The following TRIM37 variants were observed in gnomAD, a reference collection of about 807,000 sequenced individuals.
The protein encoded by TRIM37 is tripartite motif containing 37.
A neutral mutation model predicts 129.8 loss-of-function variants in TRIM37; 80 were observed. The ratio of observed to expected loss-of-function variants is 0.62; its 90% CI spans 0.51 to 0.74. The LOEUF is 0.74. TRIM37 is among the 30% of genes least tolerant of loss of function. The probability of loss-of-function intolerance (pLI) is 0.00; values close to 1 mark genes in which losing one functional copy is unlikely to be tolerated. For missense variants in TRIM37, 1,054 were observed against 1,176.5 expected (o/e 0.90, Z 1.52); for synonymous variants, 389 against 387.1 (o/e 1.00, Z -0.06).
At chr17:59,089,002 C>A in intron 3 of TRIM37, among the ~76,000 whole-genome samples, 1 of 152,188 alleles carries the variant, frequency 6.6e-6, no homozygotes, top group Non-Finnish European at 1.5e-5. Flanking sequence ...TGGCTCGCGC[C>A]TGTAATCCCA....
chr17:59,005,809 T>G (rs765699642), intron 22 of TRIM37, among the ~76,000 whole-genome samples: 4 of 152,320 alleles, frequency 2.6e-5, no homozygotes, highest in Non-Finnish European at 5.9e-5. Context: ...CAATCAATTT[T>G]TATTAAGTAT....
Position 59,017,346 on chromosome 17 carries a change from T to C in TRIM37, c.2336A>G (p.Asp779Gly). Residue 779 changes from aspartate (D) to glycine (G), a missense_variant, in exon 20 of 24, where the codon GAC (aspartate) becomes GGC (glycine). Physicochemically the swap from Asp to Gly is moderately conservative, Grantham distance 94. Transcript: ENST00000262294. ...AGSLSLRRAV[D>G]PGENSRSKGD... ...CTTTGAACGACTATTTTCTCCAGGGTCCACTGCTCTTCGAAGTGATAGACT... is the reference window on the plus strand; with the variant it reads ...CTTTGAACGACTATTTTCTCCAGGGCCCACTGCTCTTCGAAGTGATAGACT... 1.2e-6 allele frequency: 2 copies of C among 1,614,152 alleles called. No individual in the cohort carries two copies. The highest frequency in any genetic ancestry group is 1.7e-6 in the Non-Finnish European group (2 of 1,180,012).
chr17:58,995,879 T>C (rs898529119), downstream of TRIM37, among the ~76,000 whole-genome samples: 1 of 152,040 alleles, frequency 6.6e-6, no homozygotes, highest in African/African-American at 2.4e-5. Context: ...TGACTGCGCA[T>C]GCCTGTAGTC....
At chr17:58,989,399 G>A (rs2032134870) in intron 24 of TRIM37, among the ~76,000 whole-genome samples, 1 of 152,016 alleles carries the variant, frequency 6.6e-6, no homozygotes, top group Non-Finnish European at 1.5e-5. Flanking sequence ...TTGCACCACT[G>A]CACTCCAGCC....
At chr17:58,971,985 T>C in the TRIM37 span, 1 of 751,094 alleles carries the variant, frequency 1.3e-6, no homozygotes, top group Middle Eastern at 3.9e-4. Flanking sequence ...ACAAATGCAT[T>C]GAGACAATGA....
At chr17:59,101,858 G>A (rs1023563550) in intron 2 of TRIM37, among the ~76,000 whole-genome samples, 1 of 150,196 alleles carries the variant, frequency 6.7e-6, no homozygotes, top group African/African-American at 2.4e-5. Flanking sequence ...AAAATCTCTT[G>A]AACCTGGGAG....
At chr17:59,045,285 C>A (rs904764081) in intron 16 of TRIM37, among the ~76,000 whole-genome samples, 7 of 149,782 alleles carry the variant, frequency 4.7e-5, no homozygotes, top group Non-Finnish European at 1.0e-4. Flanking sequence ...GCGGATATTG[C>A]GCCACTGCAC....
intron 8 of TRIM37, among the ~76,000 whole-genome samples, chr17:59,071,283 C>CTTTTT (rs962225941): frequency 9.1e-5 from 11 of 121,330 alleles, no homozygotes; most frequent in Non-Finnish European, 1.4e-4. Context: ...AAGTTGAAAG[C>CTTTTT]TTTTTTTTTT....
intron 19 of TRIM37, 66 bp from the exon 20 acceptor site, chr17:59,017,490 T>C (rs1268780567): frequency 1.9e-6 from 3 of 1,610,986 alleles, no homozygotes; most frequent in Non-Finnish European, 1.7e-6. Context: ...ATTTAGTCTG[T>C]CAGAAAAAGT....
intron 22 of TRIM37, among the ~76,000 whole-genome samples, chr17:59,008,379 T>C (rs2034814219): frequency 1.3e-5 from 2 of 152,198 alleles, no homozygotes; most frequent in Non-Finnish European, 1.5e-5. Flanking sequence ...TAACTCTAAA[T>C]CCTACATGAA....
intron 17 of TRIM37, among the ~76,000 whole-genome samples, chr17:59,040,738 T>A (rs1201462658): frequency 6.6e-6 from 1 of 152,156 alleles, no homozygotes; most frequent in Non-Finnish European, 1.5e-5. Flanking sequence ...AAATCTTTAG[T>A]TATCCCAGCA....
chr17:58,968,716 T>C, the TRIM37 span, among the ~76,000 whole-genome samples: 1 of 152,220 alleles, frequency 6.6e-6, no homozygotes, highest in African/African-American at 2.4e-5. Context: ...AGATCTGAGA[T>C]TTAAACACTT....
At chr17:59,044,759 A>G (rs970550921) in intron 16 of TRIM37, among the ~76,000 whole-genome samples, 1 of 152,234 alleles carries the variant, frequency 6.6e-6, no homozygotes, top group Non-Finnish European at 1.5e-5. Flanking sequence ...CTGCCATTTT[A>G]TATAAGATAC....
At chr17:58,994,753 T>TC (rs1430728006), downstream of TRIM37, among the ~76,000 whole-genome samples, 1 of 150,526 alleles carries the variant, frequency 6.6e-6, no homozygotes, top group East Asian at 1.9e-4. Context: ...TTTCTTTCTT[T>TC]TTTTTTTTTT....
intron 7 of TRIM37, among the ~76,000 whole-genome samples, chr17:59,076,373 T>C (rs753589276): frequency 6.6e-6 from 1 of 152,170 alleles, no homozygotes; most frequent in Non-Finnish European, 1.5e-5. Context: ...AGACCCAGTC[T>C]CTACAAAAAA....
At chr17:58,990,634 T>C (rs1277769305) in intron 24 of TRIM37, among the ~76,000 whole-genome samples, 2 of 146,424 alleles carry the variant, frequency 1.4e-5, no homozygotes, top group Non-Finnish European at 3.0e-5. Flanking sequence ...CTACTAAAAA[T>C]ACAAAAATTA....
downstream of TRIM37, among the ~76,000 whole-genome samples, chr17:58,994,749 TC>T (rs2032805986): frequency 6.6e-6 from 1 of 151,408 alleles, no homozygotes; most frequent in Non-Finnish European, 1.5e-5. Context: ...TTTCTTTCTT[TC>T]TTTTTTTTTT....
At chr17:59,098,668 T>TAAA (rs57583644) in intron 2 of TRIM37, among the ~76,000 whole-genome samples, 2 of 103,758 alleles carry the variant, frequency 1.9e-5, no homozygotes, top group African/African-American at 3.7e-5. Context: ...CTGTCTCATT[T>TAAA]AAAAAAAAAA....
At chr17:59,055,714 AATG>A (rs2040802148) in intron 13 of TRIM37, among the ~76,000 whole-genome samples, 2 of 151,290 alleles carry the variant, frequency 1.3e-5, no homozygotes, top group African/African-American at 4.9e-5. Context: ...AAAAAAGCTA[AATG>A]ATGAGAACTC....
Sources: gnomAD v4.1 joint callset for allele counts (sites outside exome capture counted in the v4.1 genomes callset) on GRCh38, gnomAD v4.1.1 for gene constraint, MANE v1.5 for transcripts, NCBI Gene and HGNC (gene_info 2026-07-23, HGNC 2026-07-21) for gene names.